MGST1: variants seen among roughly 807,000 people sequenced by gnomAD.
The protein encoded by MGST1 is glutathione S-transferase 12.
A neutral mutation model predicts 8.9 loss-of-function variants in MGST1; 5 were observed. The observed-to-expected ratio is 0.56, with a 90% CI of 0.29 to 1.19. The LOEUF is 1.19. Ranked by LOEUF, MGST1 falls within the 50% of genes most tolerant of loss-of-function variation. MGST1 has a pLI of 0.08. For synonymous variants in MGST1, 54 were observed against 67.8 expected, an observed-to-expected ratio of 0.80 and a Z score of 1.00; for missense variants, 182 against 187.4, an observed-to-expected ratio of 0.97 and a Z score of 0.17.
chr12:16,492,178 T>G (rs1941443739), intron 4 of MGST1, among the ~76,000 whole-genome samples: 1 of 152,190 alleles, frequency 6.6e-6, no homozygotes. Flanking sequence ...TCACCTAACA[T>G]TTTTAATATT....
chr12:16,356,896 T>TCTAA (rs1422776566), intron 2 of MGST1, among the ~76,000 whole-genome samples: 2 of 152,222 alleles, frequency 1.3e-5, no homozygotes, highest in African/African-American at 4.8e-5. Context: ...CAGGTAAACA[T>TCTAA]ATTACTTTCA....
chr12:16,371,016 A>T (rs537888386), intron 3 of MGST1, among the ~76,000 whole-genome samples: 1 of 152,252 alleles, frequency 6.6e-6, no homozygotes, highest in Non-Finnish European at 1.5e-5. Context: ...AAATGAAATG[A>T]TTGTTACTTT....
chr12:16,420,779 G>C (rs894776090), intron 1 of MGST1, among the ~76,000 whole-genome samples: 8 of 152,166 alleles, frequency 5.3e-5, no homozygotes, highest in Admixed American at 1.3e-4. Context: ...GGACTCAACT[G>C]AGCACCTTTA....
intron 4 of MGST1, among the ~76,000 whole-genome samples, chr12:16,498,331 A>G (rs924691344): frequency 6.6e-6 from 1 of 152,162 alleles, no homozygotes; most frequent in Non-Finnish European, 1.5e-5. Context: ...GTGAACATGC[A>G]TTTACTCAGT....
chr12:16,585,522 G>A lies in MGST1; in HGVS notation n.483-4006G>A, dbSNP rs148711585. Among the ~76,000 whole-genome samples the A allele has an allele frequency of 6.6e-4, 101 of 152,226 alleles. No individual in the cohort carries two copies. The highest frequency in any genetic ancestry group is 2.4e-3 in the African/African-American group (98 of 41,536). On this transcript the variant is annotated intron_variant and non_coding_transcript_variant, in intron 4 of 4. Transcript: ENST00000538857. The surrounding 1 kb of genome is among the most constrained non-coding windows in gnomAD (Gnocchi z 4.7). ...TAATTTTACATATAATTGCAGATTA[G>A]AAAACTAATTTCATCACAATCTCCC...
intron 4 of MGST1, among the ~76,000 whole-genome samples, chr12:16,506,666 G>T (rs1156449588): frequency 6.6e-6 from 1 of 152,098 alleles, no homozygotes; most frequent in Admixed American, 6.6e-5. Context: ...CAATTCATCT[G>T]CATATACCTA....
chr12:16,573,339 A>G (rs963981523), intron 4 of MGST1, among the ~76,000 whole-genome samples: 1 of 152,224 alleles, frequency 6.6e-6, no homozygotes, highest in Non-Finnish European at 1.5e-5. Context: ...TTGAATATTA[A>G]AAACATGAGG....
intron 4 of MGST1, among the ~76,000 whole-genome samples, chr12:16,481,033 A>G (rs1193535081): frequency 6.6e-6 from 1 of 152,110 alleles, no homozygotes; most frequent in Non-Finnish European, 1.5e-5. Flanking sequence ...CTAGGATCAT[A>G]GTTTGCTGAT....
chr12:16,370,927 G>A (rs1940281584), intron 3 of MGST1, among the ~76,000 whole-genome samples: 1 of 152,154 alleles, frequency 6.6e-6, no homozygotes. Context: ...CTCAATTTGA[G>A]TTAAATAGCA....
intron 4 of MGST1, among the ~76,000 whole-genome samples, chr12:16,574,976 T>C (rs930768909): frequency 6.6e-6 from 1 of 152,114 alleles, no homozygotes; most frequent in African/African-American, 2.4e-5. Flanking sequence ...TTACCCTCAA[T>C]TGAAGTATGA....
chr12:16,426,852 G>C (rs1313275592), intron 1 of MGST1, among the ~76,000 whole-genome samples: 1 of 151,572 alleles, frequency 6.6e-6, no homozygotes, highest in Non-Finnish European at 1.5e-5. Context: ...GGCTCCTGTA[G>C]TCCCAGCTAC....
chr12:16,448,524 A>G (rs1282923356), intron 4 of MGST1, among the ~76,000 whole-genome samples: 1 of 151,876 alleles, frequency 6.6e-6, no homozygotes, highest in Non-Finnish European at 1.5e-5. Context: ...CAGAATTTTC[A>G]TAGTGATGGA....
chr12:16,407,489 G>A (rs1940705529), intron 1 of MGST1, among the ~76,000 whole-genome samples: 1 of 152,166 alleles, frequency 6.6e-6, no homozygotes, highest in Non-Finnish European at 1.5e-5. Flanking sequence ...TTCAACCATT[G>A]TGGAAAGCAG....
intron 1 of MGST1, among the ~76,000 whole-genome samples, chr12:16,426,757 C>G (rs916926688): frequency 5.9e-5 from 9 of 152,060 alleles, no homozygotes; most frequent in Non-Finnish European, 1.3e-4. Flanking sequence ...TGAGACCATC[C>G]TGGCTAACAC....
At chr12:16,421,844 C>A (rs555262656) in intron 1 of MGST1, among the ~76,000 whole-genome samples, 1 of 152,286 alleles carries the variant, frequency 6.6e-6, no homozygotes, top group Admixed American at 6.5e-5. Context: ...TGAATAACTG[C>A]CCCTTCCAGA....
At chr12:16,374,664 C>A (rs1940351850) in intron 3 of MGST1, among the ~76,000 whole-genome samples, 1 of 151,910 alleles carries the variant, frequency 6.6e-6, no homozygotes, top group African/African-American at 2.4e-5. Flanking sequence ...ATTGAAGCAC[C>A]ATTTTTAATA....
At chr12:16,571,979 A>C (rs555673646) in intron 4 of MGST1, among the ~76,000 whole-genome samples, 1 of 152,046 alleles carries the variant, frequency 6.6e-6, no homozygotes, top group Non-Finnish European at 1.5e-5. Context: ...AGTGGGATTT[A>C]AGAGAAAAAT....
intron 1 of MGST1, among the ~76,000 whole-genome samples, chr12:16,405,500 G>T (rs2137067141): frequency 6.6e-6 from 1 of 152,178 alleles, no homozygotes; most frequent in African/African-American, 2.4e-5. Context: ...GAGAAGAGCT[G>T]GTATCATTCT....
chr12:16,351,655 C>T (rs1014878711), intron 1 of MGST1, among the ~76,000 whole-genome samples: 1 of 151,838 alleles, frequency 6.6e-6, no homozygotes, highest in Admixed American at 6.6e-5. Flanking sequence ...ACTAAAAATA[C>T]AAAAATTAGC....
Sources: allele counts gnomAD v4.1 joint callset (sites outside exome capture counted in the v4.1 genomes callset), GRCh38; gene constraint gnomAD v4.1.1; non-coding constraint Gnocchi (gnomAD v3.1); transcripts MANE v1.5; gene names NCBI Gene and HGNC (gene_info 2026-07-23, HGNC 2026-07-21).